The following EIF4G3 variants were observed in gnomAD, a reference collection of about 807,000 sequenced individuals.
The protein encoded by EIF4G3 is eIF-4-gamma 3.
EIF4G3 carries 34 observed loss-of-function variants against 186.4 expected under a neutral mutation model. The observed-to-expected ratio is 0.18, with a 90% CI of 0.14 to 0.24. The LOEUF (loss-of-function observed/expected upper bound fraction) is 0.24. Ranked by LOEUF, EIF4G3 falls within the 10% of genes least tolerant of loss-of-function variation. EIF4G3 has a pLI of 1.00. For missense variants in EIF4G3, 1,536 were observed against 1,948.5 expected (o/e 0.79, Z 3.99); for synonymous variants, 673 against 679.5 (o/e 0.99, Z 0.15).
intron 2 of EIF4G3, among the ~76,000 whole-genome samples, chr1:21,137,519 G>A (rs1202597808): frequency 6.6e-6 from 1 of 152,014 alleles, no homozygotes; most frequent in Non-Finnish European, 1.5e-5. Flanking sequence ...ATTCAACAAA[G>A]TATAGCTGGC....
chr1:21,096,162 G>A (rs1220251145), intron 2 of EIF4G3, among the ~76,000 whole-genome samples: 1 of 152,132 alleles, frequency 6.6e-6, no homozygotes, highest in African/African-American at 2.4e-5. Flanking sequence ...ATCAGAAGAT[G>A]ACTGCATAAA....
chr1:21,002,835 A>C (rs778548946), intron 4 of EIF4G3, 27 bp from the exon 5 acceptor site: 4 of 1,346,142 alleles, frequency 3.0e-6, no homozygotes, highest in South Asian at 2.6e-5. Flanking sequence ...AGAACAATAT[A>C]ATATTTTGAA....
chr1:21,068,963 T>A (rs1298235845), intron 3 of EIF4G3, among the ~76,000 whole-genome samples: 1 of 152,210 alleles, frequency 6.6e-6, no homozygotes, highest in Non-Finnish European at 1.5e-5. Flanking sequence ...ACACAAAAAG[T>A]TTCAGGTTTT....
chr1:21,128,547 T>C (rs1475879101), intron 2 of EIF4G3, among the ~76,000 whole-genome samples: 1 of 152,154 alleles, frequency 6.6e-6, no homozygotes, highest in Non-Finnish European at 1.5e-5. Context: ...GTCAATTATA[T>C]AACTTTGCTT....
At chr1:21,176,567 ACGCCGCCGCCGCCGCCGCCGCCGCCTC>A (rs1221801405) in intron 1 of EIF4G3, among the ~76,000 whole-genome samples, 128 bp downstream of exon 1, 14 of 115,242 alleles carry the variant, frequency 1.2e-4, no homozygotes, top group South Asian at 2.9e-4. Flanking sequence ...CACACGCCCG[ACGCCGCCGCCGCCGCCGCCGCCGCCTC>A]CGCCGCCGCC....
At chr1:21,101,562 G>GAAAAAGAAAAAAAAAAAA (rs769715669) in intron 2 of EIF4G3, among the ~76,000 whole-genome samples, 1 of 35,370 alleles carries the variant, frequency 2.8e-5, no homozygotes, top group Non-Finnish European at 5.3e-5. Context: ...AGGGTCTCAG[G>GAAAAAGAAAAAAAAAAAA]AAAAAAAAAA....
chr1:21,113,186 T>C (rs1353231178), intron 2 of EIF4G3, among the ~76,000 whole-genome samples: 1 of 150,092 alleles, frequency 6.7e-6, no homozygotes, highest in Non-Finnish European at 1.5e-5. Context: ...AGCTATGTAA[T>C]GTTTTTTAAT....
chr1:21,094,765 TATAATAATAATAATA>T (rs368168938), intron 2 of EIF4G3, among the ~76,000 whole-genome samples: 9,279 of 140,880 alleles, frequency 0.066, 407 homozygotes, highest in Non-Finnish European at 0.096. Flanking sequence ...GAACTTAAAG[TATAATAATAATAATA>T]ATAATAATAA....
intron 13 of EIF4G3, among the ~76,000 whole-genome samples, chr1:20,947,552 A>T (rs533045392): frequency 6.6e-6 from 1 of 150,812 alleles, no homozygotes; most frequent in African/African-American, 2.4e-5. Flanking sequence ...AGAGAGAGAG[A>T]GAGATGAAAG....
At chr1:20,818,290 T>C (rs548320023) in intron 33 of EIF4G3, among the ~76,000 whole-genome samples, 65 of 152,238 alleles carry the variant, frequency 4.3e-4, no homozygotes, top group African/African-American at 1.5e-3. Flanking sequence ...ATTTCGAATA[T>C]AGGTGTGAGA....
At chr1:20,997,210 A>T (rs2154568461) in intron 7 of EIF4G3, among the ~76,000 whole-genome samples, 1 of 152,292 alleles carries the variant, frequency 6.6e-6, no homozygotes, top group South Asian at 2.1e-4. Flanking sequence ...ACACATCAAT[A>T]CAGGTTATAT....
At chr1:20,821,470 TA>T (rs1425429251) in intron 33 of EIF4G3, among the ~76,000 whole-genome samples, 2 of 152,234 alleles carry the variant, frequency 1.3e-5, no homozygotes, top group Non-Finnish European at 2.9e-5. Flanking sequence ...TCCACAGTTC[TA>T]AAACAGTTGG....
At chr1:20,814,469 A>G (rs1274856942) in intron 34 of EIF4G3, among the ~76,000 whole-genome samples, 5 of 152,166 alleles carry the variant, frequency 3.3e-5, no homozygotes, top group South Asian at 4.1e-4. Flanking sequence ...ACTTAAAAAC[A>G]TATTTTATTC....
chr1:20,978,253 C>G (rs2077244953), intron 10 of EIF4G3, among the ~76,000 whole-genome samples: 1 of 152,118 alleles, frequency 6.6e-6, no homozygotes, highest in East Asian at 1.9e-4. Context: ...AATACTTCAA[C>G]AGCACTTGCA....
chr1:20,811,713 T>G (rs567703212), intron 35 of EIF4G3, among the ~76,000 whole-genome samples: 25 of 152,322 alleles, frequency 1.6e-4, no homozygotes, highest in South Asian at 1.4e-3. Flanking sequence ...GATAGATATG[T>G]TAATTAATTT....
At chr1:21,024,680 T>G (rs1365283482) in intron 4 of EIF4G3, among the ~76,000 whole-genome samples, 1 of 150,390 alleles carries the variant, frequency 6.6e-6, no homozygotes, top group African/African-American at 2.5e-5. Context: ...GTTAAACAGA[T>G]GCCTGAAGGC....
chr1:21,003,590 C>T, intron 4 of EIF4G3: 2 of 296,180 alleles, frequency 6.8e-6, no homozygotes, highest in Admixed American at 3.8e-5. Flanking sequence ...TTCACCTTGC[C>T]TCTTCAAGGT....
chr1:21,141,397 G>GTA (rs1204581817), intron 2 of EIF4G3, among the ~76,000 whole-genome samples: 2 of 144,518 alleles, frequency 1.4e-5, no homozygotes, highest in Non-Finnish European at 3.0e-5. Context: ...GTGTGTGTGT[G>GTA]TATGTGTAGT....
Position 21,001,224 on chromosome 1 carries a change from C to T in EIF4G3, c.119G>A (p.Gly40Glu), listed in dbSNP as rs774379460. 3 of 471,608 alleles carry T rather than the reference C, an allele frequency of 6.4e-6. No homozygotes were observed. Among genetic ancestry groups the T allele is most frequent in the Non-Finnish European group, 1.3e-5 (3 of 227,144 alleles). 29.2% of individuals were successfully genotyped at this position (471,608 alleles called of 1,614,324 possible). Residue 40 changes from glycine to glutamate, a missense_variant, in exon 6 of 37, where the codon GGA becomes GAA. Physicochemically the swap from Gly to Glu is moderately conservative, Grantham distance 98. This residue lies in a region of EIF4G3 where 194 missense variants were observed against 212.8 expected (regional missense o/e 0.91). Coordinates refer to ENST00000602326, the MANE Select transcript of EIF4G3 (RefSeq NM_001391906.1). ...EQTPVYRSLA[G>E]RGWIKYCIFA... ...AATGCAGTATTTTATCCAGCCTCTT[C>T]CAGCCAAGGACCTGTAAACGGGAGT...
Sources: allele counts gnomAD v4.1 joint callset (sites outside exome capture counted in the v4.1 genomes callset), GRCh38; gene constraint gnomAD v4.1.1; regional missense constraint gnomAD v4.1.1; transcripts MANE v1.5; gene names NCBI Gene and HGNC (gene_info 2026-07-23, HGNC 2026-07-21).